The following AFF2 variants were observed in gnomAD, a reference collection of about 807,000 sequenced individuals.
AFF2 encodes AF4/FMR2 family member 2.
Under a neutral mutation model 76.9 loss-of-function variants are expected in AFF2, and 14 were observed. The ratio of observed to expected loss-of-function variants is 0.18; its 90% CI spans 0.12 to 0.28. The LOEUF is 0.28. AFF2 is among the 10% of genes least tolerant of loss of function. The pLI is 1.00. For synonymous variants in AFF2, 398 were observed against 366.7 expected (o/e 1.09, Z -0.98); for missense variants, 868 against 1,001.1 (o/e 0.87, Z 1.79).
Position 148,514,358 on chromosome X carries a change from A to G in AFF2, c.47+13214A>G, listed in dbSNP as rs1460879730. Among the ~76,000 whole-genome samples the G allele has an allele frequency of 4.4e-5, 5 of 112,620 alleles. No individual in the cohort carries two copies. In the East Asian group the frequency reaches 1.4e-3, roughly 31 times the overall value. ...CCGTGAAAGTTTGGAGTTGGCCACA[A>G]TCTCATTTGTGAATTTGGGCCTTCC... is the stretch of plus-strand genomic sequence containing the variant. On this transcript the variant is annotated intron_variant, in intron 1 of 20. Coordinates refer to ENST00000370460, the MANE Select transcript of AFF2 (RefSeq NM_002025.4).
chrX:148,726,699 T>TTC (rs2055160927), intron 3 of AFF2, among the ~76,000 whole-genome samples: 1 of 112,127 alleles, frequency 8.9e-6, no homozygotes, highest in African/African-American at 3.2e-5. Flanking sequence ...AGGTCTGTGT[T>TTC]AAAAAGCCAG....
rs782660268 is a variant in AFF2 at position 148,693,976 on chromosome X, A to G, written c.1041+31208A>G. On this transcript the variant is annotated intron_variant, in intron 3 of 20. Transcript: ENST00000370460. ...AAATGTGGCACATATACACCATGGAATACTATGCAGCCGTAAAAAATGATG... is the reference window on the plus strand; with the variant it reads ...AAATGTGGCACATATACACCATGGAGTACTATGCAGCCGTAAAAAATGATG... 2.3e-4 allele frequency among the ~76,000 whole-genome samples: 26 copies of G among 111,564 alleles called. No homozygotes were observed. The East Asian group carries it at 3.9e-3, about 17-fold the overall frequency.
At chrX:148,629,200 CTG>C (rs2053957148) in intron 1 of AFF2, among the ~76,000 whole-genome samples, 1 of 110,076 alleles carries the variant, frequency 9.1e-6, no homozygotes, top group Non-Finnish European at 1.9e-5. Flanking sequence ...GTTTTCTTAT[CTG>C]TAAAATGAGG....
chrX:148,812,370 C>T (rs1415864362), intron 4 of AFF2, among the ~76,000 whole-genome samples: 1 of 111,333 alleles, frequency 9.0e-6, no homozygotes, highest in Admixed American at 9.5e-5. Context: ...TCTCTCCTCA[C>T]TGAGGGGAGC....
intron 5 of AFF2, among the ~76,000 whole-genome samples, chrX:148,839,038 G>A (rs2070563912): frequency 8.9e-6 from 1 of 112,078 alleles, no homozygotes; most frequent in Admixed American, 9.5e-5. Context: ...ATCCAGTTCA[G>A]GTCCAACACT....
chrX:148,695,701 A>T (rs1174653438), intron 3 of AFF2, among the ~76,000 whole-genome samples: 3 of 112,669 alleles, frequency 2.7e-5, no homozygotes, highest in African/African-American at 9.7e-5. Flanking sequence ...AACATTTTTT[A>T]AACTGCTAAG....
At chrX:148,614,019 A>G (rs981294767) in intron 1 of AFF2, among the ~76,000 whole-genome samples, 2 of 112,189 alleles carry the variant, frequency 1.8e-5, no homozygotes, top group African/African-American at 6.5e-5. Context: ...TTGACATAAG[A>G]AAATCCGAGC....
intron 3 of AFF2, among the ~76,000 whole-genome samples, chrX:148,758,020 A>G (rs2069395509): frequency 1.8e-5 from 2 of 112,297 alleles, no homozygotes; most frequent in African/African-American, 6.5e-5. Context: ...TATCTGAGTA[A>G]TCCATTTTCC....
At chrX:148,845,906 T>C (rs186656673) in intron 7 of AFF2, among the ~76,000 whole-genome samples, 54 of 112,070 alleles carry the variant, frequency 4.8e-4, no homozygotes, top group Admixed American at 4.2e-3. Context: ...AATCCCTTAA[T>C]TACTGGGACA....
chrX:148,876,323 T>C (rs1443725132), intron 7 of AFF2, among the ~76,000 whole-genome samples: 1 of 112,246 alleles, frequency 8.9e-6, no homozygotes, highest in African/African-American at 3.2e-5. Context: ...TCTATCTGAC[T>C]GCAGTGCAAG....
rs782796057 is a variant in AFF2, at chrX:148,975,081, C to CA, written c.3404+1481dup. On this transcript the variant is annotated intron_variant, in intron 16 of 20. Transcript: ENST00000370460. ...TAATATCTAGCACTAAAAACTACAG[C>CA]AAAAAAAGGCCTAGCAGTGAACCAG... Among the ~76,000 whole-genome samples, 402 of 111,417 alleles carry CA rather than the reference C, an allele frequency of 3.6e-3. 3 individuals carry two copies. The highest frequency in any genetic ancestry group is 0.013 in the African/African-American group (392 of 30,713).
At chrX:148,608,179 T>C (rs2053691111) in intron 1 of AFF2, among the ~76,000 whole-genome samples, 1 of 111,688 alleles carries the variant, frequency 9.0e-6, no homozygotes, top group African/African-American at 3.3e-5. Context: ...GATTATATAG[T>C]TTTGGGAGAT....
chrX:148,811,598 C>T (rs1557271805), intron 4 of AFF2, among the ~76,000 whole-genome samples: 1 of 112,215 alleles, frequency 8.9e-6, no homozygotes, highest in Admixed American at 9.4e-5. Flanking sequence ...CTTTCTTCTC[C>T]GAGTCACAAG....
At chrX:148,785,917 T>C (rs2124617584) in intron 3 of AFF2, among the ~76,000 whole-genome samples, 1 of 111,861 alleles carries the variant, frequency 8.9e-6, no homozygotes, top group Admixed American at 9.5e-5. Context: ...CAATTCACTC[T>C]GCATCACTGT....
At chrX:148,717,776 A>G (rs1307238554) in intron 3 of AFF2, among the ~76,000 whole-genome samples, 1 of 111,062 alleles carries the variant, frequency 9.0e-6, no homozygotes, top group Non-Finnish European at 1.9e-5. Context: ...GATGTGAGTA[A>G]AGGAAGGGCA....
chrX:148,783,497 C>T (rs1557269244), intron 3 of AFF2, among the ~76,000 whole-genome samples: 1 of 111,765 alleles, frequency 8.9e-6, no homozygotes, highest in Non-Finnish European at 1.9e-5. Flanking sequence ...TTAGTTTTTA[C>T]AGGTTGGGAA....
chrX:148,550,532 T>C (rs2052977906), intron 1 of AFF2, among the ~76,000 whole-genome samples: 1 of 112,041 alleles, frequency 8.9e-6, no homozygotes, highest in Non-Finnish European at 1.9e-5. Context: ...ATATGACCCC[T>C]ATTTTATCAA....
At chrX:148,583,665 C>A (rs2053436968) in intron 1 of AFF2, among the ~76,000 whole-genome samples, 1 of 111,657 alleles carries the variant, frequency 9.0e-6, no homozygotes, top group African/African-American at 3.3e-5. Flanking sequence ...TAGACAAAGA[C>A]ACACATTAAA....
chrX:148,581,197 A>G (rs1298952405), intron 1 of AFF2, among the ~76,000 whole-genome samples: 4 of 70,100 alleles, frequency 5.7e-5, no homozygotes, highest in South Asian at 8.8e-4. Flanking sequence ...ATATACATAT[A>G]CGTATACGTA....
Sources: allele counts gnomAD v4.1 joint callset (sites outside exome capture counted in the v4.1 genomes callset), GRCh38; gene constraint gnomAD v4.1.1; transcripts MANE v1.5; gene names NCBI Gene and HGNC (gene_info 2026-07-23, HGNC 2026-07-21).